The following USP37 variants were observed in gnomAD, a reference collection of about 807,000 sequenced individuals.
USP37 encodes ubiquitin specific peptidase 37.
Under a neutral mutation model 124.0 loss-of-function variants are expected in USP37, and 27 were observed. The ratio of observed to expected loss-of-function variants is 0.22; its 90% CI spans 0.16 to 0.30. USP37 has a LOEUF of 0.30. Ranked by LOEUF, USP37 falls within the 10% of genes least tolerant of loss-of-function variation. USP37 has a pLI of 1.00. For missense variants in USP37, 889 were observed against 1,140.4 expected (o/e 0.78, Z 3.17); for synonymous variants, 365 against 388.0 (o/e 0.94, Z 0.70).
chr2:218,460,091 C>CAAAA (rs55945023), intron 22 of USP37, among the ~76,000 whole-genome samples, 186 bp from the exon 23 acceptor site: 89 of 118,034 alleles, frequency 7.5e-4, no homozygotes, highest in African/African-American at 2.2e-3. Context: ...ACTAAAAATA[C>CAAAA]AAAAAAAAAA....
chr2:218,557,147 G>A (rs1396224269), intron 4 of USP37, among the ~76,000 whole-genome samples: 1 of 152,158 alleles, frequency 6.6e-6, no homozygotes, highest in African/African-American at 2.4e-5. Flanking sequence ...GGGATTACAG[G>A]CATGAGCCAC....
intron 14 of USP37, among the ~76,000 whole-genome samples, chr2:218,492,485 A>G (rs1008381272): frequency 7.2e-5 from 11 of 152,252 alleles, no homozygotes; most frequent in African/African-American, 2.7e-4. Context: ...GAAGGTTGAC[A>G]TGAACTAACT....
intron 20 of USP37, 94 bp downstream of exon 20, chr2:218,474,536 A>T (rs577341876): frequency 6.6e-7 from 1 of 1,522,732 alleles, no homozygotes; most frequent in Admixed American, 2.0e-5. Context: ...TAATTTTTCT[A>T]TTTATCTCCC....
intron 20 of USP37, chr2:218,473,395 G>A (rs1031858820): frequency 9.2e-5 from 14 of 152,304 alleles, no homozygotes; most frequent in African/African-American, 3.4e-4. Context: ...TAATGCCTGT[G>A]TATAAAAACC....
At position 218,454,943 on chromosome 2, in the gene USP37, C is replaced by T. The variant is rs61752208; in HGVS notation, c.2927G>A (p.Arg976His). Residue 976 changes from arginine (R) to histidine (H), a missense_variant, in exon 26 of 26, where the codon CGT (arginine) becomes CAT (histidine). Arg to His is a conservative substitution (Grantham distance 29, BLOSUM62 0). Coordinates refer to ENST00000258399, the MANE Select transcript of USP37 (RefSeq NM_020935.3). ...SLSTEVGKTT[R>H]QAL ...GGAGTTTGTTCCTCACAAGGCCTGACGGGTAGTCTTCCCCACTTCCGTGCT... is the reference window on the plus strand; with the variant it reads ...GGAGTTTGTTCCTCACAAGGCCTGATGGGTAGTCTTCCCCACTTCCGTGCT... The T allele has an allele frequency of 5.6e-3, 9,103 of 1,614,090 alleles. 43 individuals are homozygous for T. Among genetic ancestry groups the T allele is most frequent in the Middle Eastern group, 9.9e-3 (60 of 6,062 alleles).
intron 10 of USP37, among the ~76,000 whole-genome samples, chr2:218,526,769 T>G (rs71415841): frequency 0.039 from 5,697 of 147,830 alleles, 148 homozygotes; most frequent in East Asian, 0.12. Context: ...CAACGTAAGT[T>G]TCTTCATTTC....
intron 8 of USP37, among the ~76,000 whole-genome samples, chr2:218,544,424 TATATATAGAGAGAGAG>T (rs1283605071): frequency 1.0e-4 from 6 of 57,186 alleles, no homozygotes; most frequent in Non-Finnish European, 1.4e-4. Flanking sequence ...TATATATATA[TATATATAGAGAGAGAG>T]AGAGAGAGAG....
intron 8 of USP37, among the ~76,000 whole-genome samples, chr2:218,540,979 T>C (rs780132436): frequency 6.6e-6 from 1 of 152,178 alleles, no homozygotes; most frequent in Non-Finnish European, 1.5e-5. Flanking sequence ...CCTGATAAAG[T>C]GCTGCAATAC....
intron 9 of USP37, among the ~76,000 whole-genome samples, chr2:218,530,432 G>A (rs1276318615): frequency 6.6e-6 from 1 of 152,058 alleles, no homozygotes; most frequent in Non-Finnish European, 1.5e-5. Context: ...CTGTTTTGGG[G>A]TACCACGAAC....
intron 8 of USP37, among the ~76,000 whole-genome samples, chr2:218,544,314 G>A (rs1692174032): frequency 6.7e-6 from 1 of 149,012 alleles, no homozygotes; most frequent in African/African-American, 2.5e-5. Context: ...GAACCTGGGA[G>A]GTGGAGGTTG....
chr2:218,525,333 A>G (rs962393449), intron 10 of USP37, among the ~76,000 whole-genome samples: 1 of 152,040 alleles, frequency 6.6e-6, no homozygotes, highest in Non-Finnish European at 1.5e-5. Flanking sequence ...ATACCAAAAA[A>G]ATAGCCAGGT....
At chr2:218,492,799 G>A (rs1688858226) in intron 14 of USP37, among the ~76,000 whole-genome samples, 1 of 152,178 alleles carries the variant, frequency 6.6e-6, no homozygotes, top group African/African-American at 2.4e-5. Context: ...CTTGAGGCCA[G>A]TTCAAGACTA....
intron 10 of USP37, 65 bp downstream of exon 10, chr2:218,529,891 T>C: frequency 7.9e-7 from 1 of 1,257,944 alleles, no homozygotes; most frequent in Non-Finnish European, 1.1e-6. Context: ...ACCTATCCAA[T>C]CATTCAATAT....
chr2:218,502,456 A>C (rs1227546472), intron 11 of USP37, among the ~76,000 whole-genome samples: 1 of 152,150 alleles, frequency 6.6e-6, no homozygotes, highest in African/African-American at 2.4e-5. Context: ...AATTATATTT[A>C]TATCAAATAT....
At chr2:218,496,974 A>G (rs1010712618) in intron 13 of USP37, among the ~76,000 whole-genome samples, 2 of 151,792 alleles carry the variant, frequency 1.3e-5, no homozygotes, top group Non-Finnish European at 2.9e-5. Context: ...TTCAATCTAT[A>G]ATGAACACAC....
In USP37 at chr2:218,454,856, T is replaced by C; in HGVS notation, c.*74A>G. On this transcript the variant is annotated 3_prime_UTR_variant, in exon 26 of 26. Coordinates refer to ENST00000258399, the MANE Select transcript of USP37 (RefSeq NM_020935.3). ...CATCAAGTAGAATTCCAAATTCTCC[T>C]TCAGCAGAGGAAAGGTGAGGTGGGC... The C allele has an allele frequency of 1.3e-6, 2 of 1,573,576 alleles. No homozygotes were observed. Among genetic ancestry groups the C allele is most frequent in the Admixed American group, 2.0e-5 (1 of 50,046 alleles).
intron 8 of USP37, among the ~76,000 whole-genome samples, chr2:218,536,486 G>C (rs75672642): frequency 1.2e-4 from 18 of 152,256 alleles, no homozygotes; most frequent in African/African-American, 4.3e-4. Context: ...AACAAGGCCG[G>C]GCGCTACAGT....
At chr2:218,487,137 G>A (rs1035382710) in intron 15 of USP37, among the ~76,000 whole-genome samples, 8 of 152,130 alleles carry the variant, frequency 5.3e-5, no homozygotes, top group African/African-American at 1.9e-4. Context: ...ATTTCCACTA[G>A]TTTATAAGGA....
intron 10 of USP37, among the ~76,000 whole-genome samples, chr2:218,526,785 CT>C (rs71064454): frequency 6.2e-4 from 47 of 75,932 alleles, no homozygotes; most frequent in African/African-American, 1.6e-3. Context: ...ATTTCATTTG[CT>C]TTTTTTTTTT....
Sources: allele counts gnomAD v4.1 joint callset (sites outside exome capture counted in the v4.1 genomes callset), GRCh38; gene constraint gnomAD v4.1.1; transcripts MANE v1.5; gene names NCBI Gene and HGNC (gene_info 2026-07-23, HGNC 2026-07-21).